The following CFLAR variants were observed in gnomAD, a reference collection of about 807,000 sequenced individuals.
CFLAR encodes the protein CASP8 and FADD like apoptosis regulator.
In CFLAR, 14 loss-of-function variants were observed where a neutral mutation model predicts 51.1. The observed-to-expected ratio is 0.27, with a 90% confidence interval of 0.18 to 0.43. The LOEUF is 0.43. Ranked by LOEUF, CFLAR falls within the 20% of genes least tolerant of loss-of-function variation. The pLI is 1.00. For synonymous variants in CFLAR, 210 were observed against 211.6 expected, an observed-to-expected ratio of 0.99 and a Z score of 0.06; for missense variants, 390 against 566.5, an observed-to-expected ratio of 0.69 and a Z score of 3.16.
intron 6 of CFLAR, among the ~76,000 whole-genome samples, chr2:201,148,111 A>G (rs1474775986): frequency 6.6e-6 from 1 of 152,044 alleles, no homozygotes; most frequent in African/African-American, 2.4e-5. Flanking sequence ...TATAAAATGA[A>G]ATTTCCTCTT....
intron 2 of CFLAR, among the ~76,000 whole-genome samples, chr2:201,131,137 CTGTTCACA>C (rs1334289264): frequency 3.0e-4 from 45 of 152,330 alleles, no homozygotes; most frequent in Non-Finnish European, 4.9e-4. Flanking sequence ...CTCCTTCCTC[CTGTTCACA>C]TGTTAATGTC....
intron 1 of CFLAR, among the ~76,000 whole-genome samples, chr2:201,121,004 TG>T (rs1180562782): frequency 2.6e-5 from 4 of 152,282 alleles, no homozygotes; most frequent in South Asian, 2.1e-4. Context: ...GGCTGAGGAA[TG>T]GGGGCATGTA....
chr2:201,148,261 AT>A (rs1288903132), intron 6 of CFLAR: 3 of 152,222 alleles, frequency 2.0e-5, no homozygotes, highest in African/African-American at 7.2e-5. Flanking sequence ...TATTATACAT[AT>A]TTTTAATAAT....
chr2:201,164,227 C>A lies in CFLAR; in HGVS notation c.*254C>A. The stretch of plus-strand genomic sequence containing the variant: ...TCATAGCATGCTGTGATTGTGCCTA[C>A]GAATAGCCACTGCATACCAACCTGG... On this transcript the variant is annotated 3_prime_UTR_variant, in exon 10 of 10. Transcript: ENST00000309955. 3.8e-6 allele frequency: 1 copy of A among 263,606 alleles called. No homozygotes were observed. The allele number at this position is 263,606 out of a possible 1,614,324, so 16.3% of individuals were successfully genotyped here.
intron 1 of CFLAR, among the ~76,000 whole-genome samples, chr2:201,125,763 C>T (rs866657011): frequency 6.6e-6 from 1 of 152,062 alleles, no homozygotes; most frequent in Non-Finnish European, 1.5e-5. Flanking sequence ...CGTAGGGGCC[C>T]AGCTCAGGAA....
chr2:201,135,936 C>G, intron 3 of CFLAR, 36 bp from the exon 4 acceptor site: 1 of 1,596,316 alleles, frequency 6.3e-7, no homozygotes, highest in Non-Finnish European at 8.5e-7. Flanking sequence ...CTAGCTAGCT[C>G]TATTGACATT....
Position 201,118,085 on chromosome 2 carries a change from G to C in CFLAR, c.-138+1604G>C, listed in dbSNP as rs1575573199. 6.6e-6 allele frequency among the ~76,000 whole-genome samples: 1 copy of C among 152,214 alleles called. No homozygotes were observed. Among genetic ancestry groups the C allele is most frequent in the East Asian group, 1.9e-4 (1 of 5,200 alleles). On this transcript the variant is annotated intron_variant, in intron 1 of 9. Transcript: ENST00000309955. This position sits in a 1 kb window ranked among gnomAD's most constrained non-coding sequence, Gnocchi z 5.1. The stretch of plus-strand genomic sequence containing the variant: ...CCAAGATCTAAACAAAAAAGACTGG[G>C]TTGAAAGGGAGTTTTTAATGTTTAC...
At chr2:201,127,807 C>T (rs774108733) in intron 1 of CFLAR, among the ~76,000 whole-genome samples, 1 of 152,182 alleles carries the variant, frequency 6.6e-6, no homozygotes, top group East Asian at 1.9e-4. Flanking sequence ...ACTCTACCCC[C>T]GTTAGCACAG....
intron 9 of CFLAR, chr2:201,163,139 C>T: frequency 1.3e-6 from 1 of 791,430 alleles, no homozygotes; most frequent in East Asian, 2.7e-5. Context: ...CCTGACACTG[C>T]ATGCTCTTAT....
rs1037610337 is a variant in CFLAR at position 201,118,932 on chromosome 2, C to T, written c.-138+2451C>T. 2.6e-5 allele frequency: 4 copies of T among 152,268 alleles called. No individual in the cohort carries two copies. The highest frequency in any genetic ancestry group is 9.6e-5 in the African/African-American group (4 of 41,460). The allele number at this position is 152,268 out of a possible 1,614,324, so 9.4% of individuals were successfully genotyped here. On this transcript the variant is annotated intron_variant, in intron 1 of 9. Coordinates refer to ENST00000309955, the MANE Select transcript of CFLAR (RefSeq NM_003879.7). The surrounding 1 kb of genome is among the most constrained non-coding windows in gnomAD (Gnocchi z 5.1). ...TAGACCGAGAATCCTGCCCGATCCCCGCCCCTGGGCTGGTGTCGCCCTGGG... is the reference window on the plus strand; with the variant it reads ...TAGACCGAGAATCCTGCCCGATCCCTGCCCCTGGGCTGGTGTCGCCCTGGG...
chr2:201,135,856 G>A (rs2050044007), intron 3 of CFLAR, 116 bp from the exon 4 acceptor site: 6 of 1,414,656 alleles, frequency 4.2e-6, no homozygotes, highest in Non-Finnish European at 4.8e-6. Context: ...CAAACTCTTG[G>A]GCTCAAGCAG....
At chr2:201,136,512 A>T (rs898112876) in intron 4 of CFLAR, 6 of 1,557,966 alleles carry the variant, frequency 3.9e-6, no homozygotes, top group Non-Finnish European at 5.2e-6. Context: ...CCTTCCTTGC[A>T]TGTGTCCCAA....
intron 5 of CFLAR, chr2:201,141,527 T>C: frequency 7.2e-7 from 1 of 1,396,822 alleles, no homozygotes; most frequent in Non-Finnish European, 9.4e-7. Context: ...TTCTTGTTGC[T>C]GTATGTTTAG....
chr2:201,145,241 A>G, intron 5 of CFLAR, 137 bp from the exon 6 acceptor site: 1 of 554,854 alleles, frequency 1.8e-6, no homozygotes, highest in Non-Finnish European at 3.3e-6. Context: ...TATTCTTTAG[A>G]TAATTTAACT....
chr2:201,138,384 C>A lies in CFLAR; in HGVS notation c.524-1973C>A. On this transcript the variant is annotated intron_variant, in intron 4 of 9. Transcript: ENST00000309955. The surrounding 1 kb of genome is among the most constrained non-coding windows in gnomAD (Gnocchi z 4.0). The stretch of plus-strand genomic sequence containing the variant: ...ACAGGGTAGTCTCGGTTCTTCAGCG[C>A]GGTGCAGGTGATAATGGCCACCAGC... 1 of 774,066 alleles carries A rather than the reference C, an allele frequency of 1.3e-6. No homozygotes were observed. The highest frequency in any genetic ancestry group is 1.4e-5 in the South Asian group (1 of 73,742). The allele number at this position is 774,066 out of a possible 1,614,324, so 47.9% of individuals were successfully genotyped here.
Position 201,138,791 on chromosome 2 carries a change from AC to A in CFLAR, c.524-1564del. On this transcript the variant is annotated intron_variant, in intron 4 of 9. Transcript: ENST00000309955. This position sits in a 1 kb window ranked among gnomAD's most constrained non-coding sequence, Gnocchi z 4.0. ...CTGGGGTGCAGTTGTGGTGAATGAAACCAGTACCTCCCATCAGAGCCATCAC... is the reference window on the plus strand; with the variant it reads ...CTGGGGTGCAGTTGTGGTGAATGAAACAGTACCTCCCATCAGAGCCATCAC... 1.3e-6 allele frequency: 1 copy of A among 764,204 alleles called. No individual in the cohort carries two copies. Among genetic ancestry groups the A allele is most frequent in the Middle Eastern group, 3.6e-4 (1 of 2,768 alleles). 47.3% of individuals were successfully genotyped at this position (764,204 alleles called of 1,614,324 possible). A position where few individuals can be genotyped will look rare whatever the true frequency, so the allele number is the denominator to read the frequency against.
chr2:201,165,129 T>A lies in CFLAR; in HGVS notation c.*1156T>A, dbSNP rs1943412122. ...ATAGCCTTATGATTTAGAGGTTACT[T>A]GTTCATTCACCTAGACCTCAAATTG... On this transcript the variant is annotated 3_prime_UTR_variant, in exon 10 of 10. Transcript: ENST00000309955. 1.3e-5 allele frequency: 2 copies of A among 152,138 alleles called. No individual in the cohort carries two copies. Among genetic ancestry groups the A allele is most frequent in the African/African-American group, 4.8e-5 (2 of 41,422 alleles). 9.4% of individuals were successfully genotyped at this position (152,138 alleles called of 1,614,324 possible). A position where few individuals can be genotyped will look rare whatever the true frequency, so the allele number is the denominator to read the frequency against.
intron 3 of CFLAR, 58 bp from the exon 4 acceptor site, chr2:201,135,912 CTT>C: frequency 6.4e-7 from 1 of 1,566,708 alleles, no homozygotes; most frequent in Non-Finnish European, 8.6e-7. Context: ...CAGGTATGAA[CTT>C]CTGCACCTGG....
chr2:201,149,124 C>T, intron 7 of CFLAR, 72 bp downstream of exon 7: 1 of 1,000,562 alleles, frequency 1.0e-6, no homozygotes, highest in Non-Finnish European at 1.6e-6. Flanking sequence ...TTTAAAAATA[C>T]CTGTCCATTA....
Sources: gnomAD v4.1 joint callset for allele counts (sites outside exome capture counted in the v4.1 genomes callset) on GRCh38, gnomAD v4.1.1 for gene constraint, Gnocchi (gnomAD v3.1) non-coding constraint, MANE v1.5 for transcripts, NCBI Gene and HGNC (gene_info 2026-07-23, HGNC 2026-07-21) for gene names.